The following PIKFYVE variants were observed in gnomAD, a reference collection of about 807,000 sequenced individuals.
PIKFYVE encodes the protein phosphoinositide kinase, FYVE-type zinc finger containing.
PIKFYVE carries 122 observed loss-of-function variants against 257.9 expected under a neutral mutation model. The observed-to-expected ratio is 0.47, with a 90% confidence interval of 0.41 to 0.55. PIKFYVE has a LOEUF of 0.55. Among genes scored for constraint, PIKFYVE ranks in the 20% least tolerant of loss-of-function variants. PIKFYVE has a pLI of 0.00. For missense variants in PIKFYVE, 2,160 were observed against 2,536.6 expected (o/e 0.85, Z 3.19); for synonymous variants, 892 against 868.9 (o/e 1.03, Z -0.47).
intron 7 of PIKFYVE, among the ~76,000 whole-genome samples, chr2:208,289,239 CTGAG>C (rs1378254398): frequency 6.6e-6 from 1 of 152,152 alleles, no homozygotes; most frequent in African/African-American, 2.4e-5. Context: ...GTCATTTACT[CTGAG>C]TGAGATGGGA....
chr2:208,351,733 G>C (rs1417113633), intron 38 of PIKFYVE, among the ~76,000 whole-genome samples: 1 of 152,174 alleles, frequency 6.6e-6, no homozygotes, highest in East Asian at 1.9e-4. Context: ...GAGCAAGAGA[G>C]CGGGGTTGGG....
At chr2:208,310,931 A>G (rs182150125) in intron 12 of PIKFYVE, among the ~76,000 whole-genome samples, 6 of 152,318 alleles carry the variant, frequency 3.9e-5, no homozygotes, top group Admixed American at 3.9e-4. Context: ...TCAAATATGT[A>G]AATAATTTTG....
rs897481065 is a variant in PIKFYVE at position 208,357,499 on chromosome 2, C to A, written c.*2194C>A. ...TTTTCCTTGCCCATGACTTGAACAACTGTGTTTTAAAGTACTGTAGTCTAG... is the reference window on the plus strand; with the variant it reads ...TTTTCCTTGCCCATGACTTGAACAAATGTGTTTTAAAGTACTGTAGTCTAG... On this transcript the variant is annotated 3_prime_UTR_variant, in exon 42 of 42. Coordinates refer to ENST00000264380, the MANE Select transcript of PIKFYVE (RefSeq NM_015040.4). 9.2e-5 allele frequency: 14 copies of A among 152,214 alleles called. No individual in the cohort carries two copies. Among genetic ancestry groups the A allele is most frequent in the African/African-American group, 3.4e-4 (14 of 41,444 alleles). 9.4% of individuals were successfully genotyped at this position (152,214 alleles called of 1,614,324 possible). A position where few individuals can be genotyped will look rare whatever the true frequency, so the allele number is the denominator to read the frequency against.
At chr2:208,330,755 T>G (rs1445574815) in intron 23 of PIKFYVE, 61 bp downstream of exon 23, 1 of 1,416,068 alleles carries the variant, frequency 7.1e-7, no homozygotes, top group Non-Finnish European at 9.3e-7. Context: ...TATGTTTTTT[T>G]TTTTTCCTGA....
At chr2:208,286,056 C>T (rs1691534695) in intron 6 of PIKFYVE, 123 bp downstream of exon 6, 5 of 1,023,924 alleles carry the variant, frequency 4.9e-6, no homozygotes, top group Admixed American at 4.5e-5. Flanking sequence ...ACTGTGTTCT[C>T]CTTTTTCTTT....
chr2:208,339,990 G>A (rs2289171), intron 30 of PIKFYVE, 21 bp from the exon 31 acceptor site: 635,334 of 1,606,840 alleles, frequency 0.4, 130,586 homozygotes, highest in Admixed American at 0.49. Flanking sequence ...TAATATATAA[G>A]TAGACTATTT....
At position 208,339,431 on chromosome 2, in the gene PIKFYVE, A is replaced by G. The variant is rs529690388; in HGVS notation, c.4686A>G (p.Leu1562=). ...LQNGEKEDRF[L]TTLSSQSSTS... ...GTTTTTCTTTAGAGGATCGCTTCTT[A>G]ACAACTTTGTCCAGCCAGAGCTCCA... is the stretch of plus-strand genomic sequence containing the variant. The change falls in exon 30 of 42, where the codon TTA becomes TTG. Residue 1562 remains leucine (L), a synonymous_variant. Transcript: ENST00000264380. 6.2e-6 allele frequency: 10 copies of G among 1,614,178 alleles called. No homozygotes were observed. In the South Asian group the frequency reaches 1.1e-4, roughly 18 times the overall value.
In PIKFYVE at chr2:208,316,469, T is replaced by C. The variant is rs1363700394; in HGVS notation, c.2007+1096T>C. 2.0e-5 allele frequency among the ~76,000 whole-genome samples: 3 copies of C among 151,878 alleles called. No individual in the cohort carries two copies. In the East Asian group the frequency reaches 5.8e-4, roughly 30 times the overall value. ...ATCACCACACTGACTTCCACAATGGTTGAACTAGTTTACAGTCCCACCAAC... is the reference window on the plus strand; with the variant it reads ...ATCACCACACTGACTTCCACAATGGCTGAACTAGTTTACAGTCCCACCAAC... On this transcript the variant is annotated intron_variant, in intron 15 of 41. Coordinates refer to ENST00000264380, the MANE Select transcript of PIKFYVE (RefSeq NM_015040.4).
intron 23 of PIKFYVE, among the ~76,000 whole-genome samples, chr2:208,332,070 C>A (rs1467709928): frequency 2.0e-5 from 3 of 152,030 alleles, no homozygotes; most frequent in Non-Finnish European, 4.4e-5. Flanking sequence ...TGAAAAACTT[C>A]CAGTGTCAAG....
In PIKFYVE at chr2:208,302,220, AT is replaced by A. The variant is rs1693781772; in HGVS notation, c.1209-17del. 1.9e-6 allele frequency: 3 copies of A among 1,609,418 alleles called. No individual in the cohort carries two copies. In the East Asian group the frequency reaches 6.7e-5, roughly 36 times the overall value. ...TTCTGACTGACTTTTAAAACTTTTC[AT>A]TTTTGTGGGTCTTGATTCAGGGCAC... is the stretch of plus-strand genomic sequence containing the variant. On this transcript the variant is annotated intron_variant, in intron 9 of 41. Coordinates refer to ENST00000264380, the MANE Select transcript of PIKFYVE (RefSeq NM_015040.4).
chr2:208,306,694 T>C (rs1173154037), intron 12 of PIKFYVE, among the ~76,000 whole-genome samples: 1 of 152,058 alleles, frequency 6.6e-6, no homozygotes, highest in Non-Finnish European at 1.5e-5. Flanking sequence ...CAACCCCAGA[T>C]TGTATCTCCA....
chr2:208,320,192 A>G (rs963044849), intron 16 of PIKFYVE, 60 bp from the exon 17 acceptor site: 12 of 1,574,630 alleles, frequency 7.6e-6, no homozygotes, highest in African/African-American at 1.4e-5. Context: ...AGTTATAATT[A>G]AAGGAGGGCT....
chr2:208,304,081 A>G (rs968448367), intron 10 of PIKFYVE, 90 bp from the exon 11 acceptor site: 1 of 1,440,604 alleles, frequency 6.9e-7, no homozygotes, highest in African/African-American at 1.4e-5. Context: ...GTTCATAGAA[A>G]TATTGGACTA....
chr2:208,299,596 C>G (rs900636310), intron 8 of PIKFYVE, among the ~76,000 whole-genome samples: 1 of 152,144 alleles, frequency 6.6e-6, no homozygotes, highest in Non-Finnish European at 1.5e-5. Flanking sequence ...CCAGTATTTT[C>G]TTTACCCTTT....
chr2:208,276,058 T>TGGGGAAGTGAC (rs1690061572), intron 3 of PIKFYVE, among the ~76,000 whole-genome samples: 1 of 152,184 alleles, frequency 6.6e-6, no homozygotes, highest in Non-Finnish European at 1.5e-5. Flanking sequence ...GCTGTGGGGT[T>TGGGGAAGTGAC]GGGGAAGTGA....
At chr2:208,273,933 T>A in intron 3 of PIKFYVE, 200 bp downstream of exon 3, 1 of 1,485,970 alleles carries the variant, frequency 6.7e-7, no homozygotes, top group Non-Finnish European at 9.2e-7. Context: ...CCTGAAAAAA[T>A]TCTTAAACGT....
At chr2:208,326,453 C>G (rs763864196) in intron 20 of PIKFYVE, 24 bp downstream of exon 20, 19 of 1,606,724 alleles carry the variant, frequency 1.2e-5, no homozygotes, top group Non-Finnish European at 7.7e-6. Flanking sequence ...CTTTCTGATG[C>G]TCCTGTGCAT....
chr2:208,319,730 A>G (rs911623630), intron 16 of PIKFYVE, among the ~76,000 whole-genome samples: 3 of 152,176 alleles, frequency 2.0e-5, no homozygotes, highest in Non-Finnish European at 2.9e-5. Context: ...AGATGCTTTC[A>G]GATTTTCTTT....
chr2:208,323,074 TTTTC>T (rs1166679097), intron 17 of PIKFYVE, among the ~76,000 whole-genome samples: 2 of 150,984 alleles, frequency 1.3e-5, no homozygotes, highest in Non-Finnish European at 3.0e-5. Flanking sequence ...ATGTGCCACA[TTTTC>T]TTTTTTATTT....
Sources: allele counts gnomAD v4.1 joint callset (sites outside exome capture counted in the v4.1 genomes callset), GRCh38; gene constraint gnomAD v4.1.1; transcripts MANE v1.5; gene names NCBI Gene and HGNC (gene_info 2026-07-23, HGNC 2026-07-21).